The following SOCS7 variants were observed in gnomAD, a reference collection of about 807,000 sequenced individuals.
SOCS7 encodes NAP-4.
SOCS7 carries 18 observed loss-of-function variants against 58.9 expected under a neutral mutation model. That is an observed-to-expected ratio of 0.31 (90% CI 0.21 to 0.45). The LOEUF (loss-of-function observed/expected upper bound fraction) is 0.45. SOCS7 is among the 20% of genes least tolerant of loss of function. The pLI is 1.00. For synonymous variants in SOCS7, 388 were observed against 364.3 expected (o/e 1.06, Z -0.74); for missense variants, 667 against 837.3 (o/e 0.80, Z 2.51).
Position 38,395,921 on chromosome 17 carries a change from G to A in SOCS7, c.1891G>A (p.Ala631Thr), listed in dbSNP as rs752372086. ...AGAGGTATACCTGTCTCTAAAGGAA[G>A]CGCAGCTCATTTCCAAACAGAAGCA... is the stretch of plus-strand genomic sequence containing the variant. ...QEEVYLSLKE[A>T]QLISKQKQEV... The change falls in exon 9 of 10, where the codon GCG (alanine) becomes ACG (threonine). Residue 631 changes from alanine (A) to threonine (T), a missense_variant. Around this residue, in one of 9 missense-constraint regions of SOCS7, gnomAD observed 40 missense variants for 45.6 expected, o/e 0.88. Transcript: ENST00000612932. The A allele has an allele frequency of 1.4e-5, 23 of 1,611,366 alleles. No homozygotes were observed. The highest frequency in any genetic ancestry group is 1.9e-5 in the Non-Finnish European group (22 of 1,179,464).
At chr17:38,389,268 T>C (rs1029107263) in intron 7 of SOCS7, among the ~76,000 whole-genome samples, 1 of 152,250 alleles carries the variant, frequency 6.6e-6, no homozygotes, top group Non-Finnish European at 1.5e-5. Flanking sequence ...TATTGAGTTA[T>C]GAGTTCTTTA....
chr17:38,376,819 T>C (rs1306292200), intron 6 of SOCS7, among the ~76,000 whole-genome samples: 1 of 152,204 alleles, frequency 6.6e-6, no homozygotes, highest in African/African-American at 2.4e-5. Context: ...ATACACTGTT[T>C]AGCAACATTT....
Position 38,365,344 on chromosome 17 carries a change from T to A in SOCS7, c.1187T>A (p.Val396Glu). Residue 396 changes from valine (V) to glutamate (E), a missense_variant, in exon 4 of 10, where the codon GTG becomes GAG. Val to Glu is a moderately radical substitution (Grantham distance 121). This residue lies in a region of SOCS7 where 99 missense variants were observed against 122.9 expected (regional missense o/e 0.81). Transcript: ENST00000612932. Reference sequence around the variant, plus strand: ...GGGACGCTGCCTACATCTGTCCTTGTGGCTCCGATGGGGTCTTCCTTGCAG... The same window carrying A: ...GGGACGCTGCCTACATCTGTCCTTGAGGCTCCGATGGGGTCTTCCTTGCAG... The part of the protein sequence containing the change: ...ISGTLPTSVL[V>E]APMGSSLQSF... 1 of 1,613,536 alleles carries A rather than the reference T, an allele frequency of 6.2e-7. No homozygotes were observed.
intron 9 of SOCS7, among the ~76,000 whole-genome samples, chr17:38,399,234 G>A (rs1229824077): frequency 6.6e-6 from 1 of 152,190 alleles, no homozygotes; most frequent in Admixed American, 6.5e-5. Context: ...AAGGGGTAAG[G>A]GAAAGGGAAA....
Position 38,352,610 on chromosome 17 carries a change from G to C in SOCS7, c.558G>C (p.Ser186=). Residue 186 remains serine (S), a synonymous_variant, in exon 1 of 10, where the codon TCG becomes TCC. Coordinates refer to ENST00000612932, the MANE Select transcript of SOCS7 (RefSeq NM_014598.4). The surrounding 1 kb of genome is among the most constrained non-coding windows in gnomAD (Gnocchi z 5.5). ...TGCTGGTCCTGGAGGGCTTGGAATC[G>C]GAGGCCGAGAGCCTGGAGACTAACA... is the stretch of plus-strand genomic sequence containing the variant. ...DALLVLEGLE[S]EAESLETNSC... is the part of the protein sequence containing the mutation. 6.5e-7 allele frequency: 1 copy of C among 1,550,072 alleles called. No homozygotes were observed.
intron 1 of SOCS7, among the ~76,000 whole-genome samples, chr17:38,359,632 C>T (rs1223093021): frequency 3.3e-5 from 5 of 151,878 alleles, no homozygotes; most frequent in African/African-American, 4.8e-5. Flanking sequence ...AGTTTAAGTT[C>T]TATTTAGACC....
At chr17:38,395,260 T>G (rs1173748736) in intron 7 of SOCS7, 49 bp from the exon 8 acceptor site, 2 of 1,598,472 alleles carry the variant, frequency 1.3e-6, no homozygotes, top group East Asian at 4.5e-5. Context: ...AAATGGTAGT[T>G]AGCTCCATTG....
At chr17:38,391,104 A>G (rs1293828801) in intron 7 of SOCS7, among the ~76,000 whole-genome samples, 2 of 151,520 alleles carry the variant, frequency 1.3e-5, no homozygotes, top group African/African-American at 4.9e-5. Context: ...TTATTTTTGG[A>G]TTGTTTATAG....
chr17:38,387,129 G>GTGTATA (rs1555570683), intron 7 of SOCS7, among the ~76,000 whole-genome samples: 1 of 64,822 alleles, frequency 1.5e-5, no homozygotes, highest in African/African-American at 1.0e-4. Flanking sequence ...ATATATATAT[G>GTGTATA]TATGTATATA....
chr17:38,369,107 G>A (rs1016634858), intron 6 of SOCS7, among the ~76,000 whole-genome samples: 3 of 152,192 alleles, frequency 2.0e-5, no homozygotes, highest in Non-Finnish European at 4.4e-5. Context: ...TACATCCTTT[G>A]TCAAAATACC....
At chr17:38,370,622 T>G (rs932830493) in intron 6 of SOCS7, among the ~76,000 whole-genome samples, 2 of 151,824 alleles carry the variant, frequency 1.3e-5, no homozygotes, top group Non-Finnish European at 2.9e-5. Flanking sequence ...ATTATAGATA[T>G]AAGCCACTGT....
At chr17:38,375,056 A>G (rs923159848) in intron 6 of SOCS7, among the ~76,000 whole-genome samples, 1 of 152,186 alleles carries the variant, frequency 6.6e-6, no homozygotes, top group Non-Finnish European at 1.5e-5. Flanking sequence ...CAGGAGTTCA[A>G]GACCAGCCTG....
chr17:38,400,314 A>G lies in SOCS7; in HGVS notation c.*832A>G, dbSNP rs548850252. 1.3e-5 allele frequency: 2 copies of G among 152,324 alleles called. No homozygotes were observed. Among genetic ancestry groups the G allele is most frequent in the East Asian group, 1.9e-4 (1 of 5,188 alleles). The allele number at this position is 152,324 out of a possible 1,614,324, so 9.4% of individuals were successfully genotyped here. Reference sequence around the variant, plus strand: ...TACATGTCACTCTGATCATGGTAACAGCATCCCTATTGCTTCTGCCAGCTG... The same window carrying G: ...TACATGTCACTCTGATCATGGTAACGGCATCCCTATTGCTTCTGCCAGCTG... On this transcript the variant is annotated 3_prime_UTR_variant, in exon 10 of 10. Transcript: ENST00000612932.
At chr17:38,366,216 T>A (rs1459276497) in intron 4 of SOCS7, 71 bp from the exon 5 acceptor site, 94 of 1,574,966 alleles carry the variant, frequency 6.0e-5, no homozygotes, top group Non-Finnish European at 7.9e-5. Context: ...TCCTCTGTTT[T>A]TGGGGGAGGG....
intron 6 of SOCS7, among the ~76,000 whole-genome samples, chr17:38,370,010 C>T (rs929164990): frequency 1.3e-5 from 2 of 152,092 alleles, no homozygotes; most frequent in African/African-American, 4.8e-5. Context: ...TGAGGCTGGT[C>T]TTGAACTCCT....
chr17:38,369,832 C>T (rs1298227266), intron 6 of SOCS7, among the ~76,000 whole-genome samples: 2 of 151,452 alleles, frequency 1.3e-5, no homozygotes, highest in Non-Finnish European at 2.9e-5. Flanking sequence ...GCTCTGTCAC[C>T]AGGCTGGAGT....
At chr17:38,372,314 A>G (rs1224061744) in intron 6 of SOCS7, among the ~76,000 whole-genome samples, 2 of 152,242 alleles carry the variant, frequency 1.3e-5, no homozygotes, top group Non-Finnish European at 2.9e-5. Flanking sequence ...AACTTTATCA[A>G]AACTTATGCA....
chr17:38,395,583 C>T lies in SOCS7; in HGVS notation c.1817+139C>T, dbSNP rs1756289281. ...TTGCAGATGTCATTCTTACACATTTCCTGTGTCTTAGCACCTAACTCTAGA... is the reference window on the plus strand; with the variant it reads ...TTGCAGATGTCATTCTTACACATTTTCTGTGTCTTAGCACCTAACTCTAGA... On this transcript the variant is annotated intron_variant, in intron 8 of 9. Coordinates refer to ENST00000612932, the MANE Select transcript of SOCS7 (RefSeq NM_014598.4). The T allele has an allele frequency of 7.1e-6, 7 of 989,860 alleles. No homozygotes were observed. The South Asian group carries it at 1.1e-4, about 16-fold the overall frequency. The allele number at this position is 989,860 out of a possible 1,614,324, so 61.3% of individuals were successfully genotyped here.
rs566518196 is a variant in SOCS7, at chr17:38,369,948, C to A, written c.1552+1898C>A. Among the ~76,000 whole-genome samples the A allele has an allele frequency of 1.5e-3, 226 of 152,152 alleles. 1 individual carries two copies. Among genetic ancestry groups the A allele is most frequent in the African/African-American group, 5.3e-3 (218 of 41,516 alleles). The stretch of plus-strand genomic sequence containing the variant: ...GGTATTACAGGTGCCCGCCACTATG[C>A]CCAGCTAATTTTTTTTGTATTTTTA... On this transcript the variant is annotated intron_variant, in intron 6 of 9. Transcript: ENST00000612932.
Sources: gnomAD v4.1 joint callset for allele counts (sites outside exome capture counted in the v4.1 genomes callset) on GRCh38, gnomAD v4.1.1 for gene constraint, gnomAD v4.1.1 regional missense constraint, Gnocchi (gnomAD v3.1) non-coding constraint, MANE v1.5 for transcripts, NCBI Gene and HGNC (gene_info 2026-07-23, HGNC 2026-07-21) for gene names.